KSR2: variants seen among roughly 807,000 people sequenced by gnomAD.
KSR2 encodes the protein kinase suppressor of ras 2.
In KSR2, 25 loss-of-function variants were observed where a neutral mutation model predicts 107.8. The ratio of observed to expected loss-of-function variants is 0.23; its 90% CI spans 0.17 to 0.32. KSR2 has a LOEUF of 0.32. KSR2 is among the 10% of genes least tolerant of loss of function. KSR2 has a pLI of 1.00. For missense variants in KSR2, 887 were observed against 1,268.9 expected (o/e 0.70, Z 4.57); for synonymous variants, 480 against 507.0 (o/e 0.95, Z 0.71).
intron 10 of KSR2, among the ~76,000 whole-genome samples, chr12:117,533,544 A>G (rs1565887824): frequency 6.6e-6 from 1 of 152,260 alleles, no homozygotes. Flanking sequence ...AAGCTTTAAA[A>G]GAAAATCACC....
chr12:117,942,370 T>C (rs1352295115), intron 1 of KSR2, among the ~76,000 whole-genome samples: 1 of 152,124 alleles, frequency 6.6e-6, no homozygotes, highest in Non-Finnish European at 1.5e-5. Flanking sequence ...ACCAACCCAC[T>C]TCACCTCTCC....
intron 10 of KSR2, among the ~76,000 whole-genome samples, chr12:117,538,515 A>G (rs1003064511): frequency 6.6e-6 from 1 of 151,994 alleles, no homozygotes; most frequent in Non-Finnish European, 1.5e-5. Context: ...TTAAGCTTAG[A>G]GGTGTGAACT....
intron 1 of KSR2, among the ~76,000 whole-genome samples, chr12:117,957,032 A>T (rs1389265876): frequency 6.6e-6 from 1 of 152,248 alleles, no homozygotes; most frequent in Non-Finnish European, 1.5e-5. Context: ...AAAGCATTTT[A>T]GAGACAGATT....
chr12:117,692,886 GA>G (rs1489187317), intron 4 of KSR2, among the ~76,000 whole-genome samples: 1 of 152,160 alleles, frequency 6.6e-6, no homozygotes, highest in Non-Finnish European at 1.5e-5. Flanking sequence ...TTGCCATGGG[GA>G]TAGGGGGAAG....
intron 1 of KSR2, among the ~76,000 whole-genome samples, chr12:117,953,896 C>T (rs1233477142): frequency 5.3e-5 from 8 of 152,028 alleles, no homozygotes; most frequent in Non-Finnish European, 7.4e-5. Flanking sequence ...TTGAGACTGG[C>T]CTGGGCAAGA....
chr12:117,841,686 C>A (rs567185845), intron 3 of KSR2, among the ~76,000 whole-genome samples: 1 of 152,292 alleles, frequency 6.6e-6, no homozygotes, highest in Admixed American at 6.5e-5. Context: ...TCATTCCCAC[C>A]ACTTTTTTAT....
At chr12:117,482,469 G>A (rs1396164697) in intron 16 of KSR2, among the ~76,000 whole-genome samples, 1 of 152,172 alleles carries the variant, frequency 6.6e-6, no homozygotes, top group East Asian at 1.9e-4. Context: ...GGCTACTTGT[G>A]GGTGGCCAGG....
chr12:117,576,652 A>G (rs1014807302), intron 7 of KSR2, among the ~76,000 whole-genome samples: 4 of 143,744 alleles, frequency 2.8e-5, no homozygotes, highest in African/African-American at 1.0e-4. Context: ...ATGTGCCATC[A>G]CTCCTGGCTA....
At chr12:117,468,801 C>T (rs574513787) in intron 19 of KSR2, among the ~76,000 whole-genome samples, 4 of 152,030 alleles carry the variant, frequency 2.6e-5, no homozygotes, top group African/African-American at 9.7e-5. Flanking sequence ...TAGGGATGTG[C>T]GTTCATGGAA....
Position 117,927,719 on chromosome 12 carries a change from G to A in KSR2, c.180+40357C>T, listed in dbSNP as rs1348444762. On this transcript the variant is annotated intron_variant, in intron 1 of 19. Transcript: ENST00000339824. ...AAAAAAGGAAAAAAAAAGGAACCAG[G>A]CCTTTCCTAGGCACCCACTAAAAGC... 4.6e-5 allele frequency among the ~76,000 whole-genome samples: 7 copies of A among 152,120 alleles called. No homozygotes were observed. In the East Asian group the frequency reaches 9.7e-4, roughly 21 times the overall value.
At chr12:117,791,211 T>C (rs1890236878) in intron 3 of KSR2, among the ~76,000 whole-genome samples, 1 of 151,850 alleles carries the variant, frequency 6.6e-6, no homozygotes, top group Non-Finnish European at 1.5e-5. Flanking sequence ...ACTTGTTGCT[T>C]CCTATCTGCA....
intron 4 of KSR2, among the ~76,000 whole-genome samples, chr12:117,734,298 AAAGAG>A (rs1323804040): frequency 5.0e-5 from 7 of 140,906 alleles, no homozygotes; most frequent in Non-Finnish European, 7.7e-5. Context: ...AAAAAAAAAA[AAAGAG>A]AGAAACTACA....
At chr12:117,920,288 G>T (rs1395525429) in intron 1 of KSR2, among the ~76,000 whole-genome samples, 1 of 151,926 alleles carries the variant, frequency 6.6e-6, no homozygotes, top group African/African-American at 2.4e-5. Context: ...TTGTAGAGAT[G>T]AGTGTCTCAC....
rs993238402 is a variant in KSR2 at position 117,456,744 on chromosome 12, C to G, written c.*10455G>C. On this transcript the variant is annotated 3_prime_UTR_variant, in exon 20 of 20. Coordinates refer to ENST00000339824, the MANE Select transcript of KSR2 (RefSeq NM_173598.6). ...CAGGGATTTGATTCTAGGGGTAAAA[C>G]AGCTGGACCTACAGAGGCCATCCTC... 1.3e-5 allele frequency: 2 copies of G among 152,252 alleles called. No individual in the cohort carries two copies. Among genetic ancestry groups the G allele is most frequent in the Non-Finnish European group, 2.9e-5 (2 of 68,088 alleles). 9.4% of individuals were successfully genotyped at this position (152,252 alleles called of 1,614,324 possible).
intron 9 of KSR2, among the ~76,000 whole-genome samples, chr12:117,544,015 C>A (rs953825394): frequency 6.6e-6 from 1 of 152,180 alleles, no homozygotes; most frequent in South Asian, 2.1e-4. Flanking sequence ...TAAGGGACCA[C>A]CCTTCCAGTA....
Position 117,832,641 on chromosome 12 carries a change from T to C in KSR2, c.472+22787A>G, listed in dbSNP as rs191903022. ...GTCACAGAGCAAGCTGGAGGCAGGA[T>C]GGCATCAGCATTCCAATCTGCCCTT... is the stretch of plus-strand genomic sequence containing the variant. On this transcript the variant is annotated intron_variant, in intron 3 of 19. Transcript: ENST00000339824. Among the ~76,000 whole-genome samples the C allele has an allele frequency of 4.6e-5, 7 of 152,342 alleles. 1 individual carries two copies. The highest frequency in any genetic ancestry group is 1.4e-4 in the African/African-American group (6 of 41,580).
chr12:117,873,461 C>CTTT (rs546188012), intron 1 of KSR2, among the ~76,000 whole-genome samples: 18,926 of 119,190 alleles, frequency 0.16, 3,028 homozygotes, highest in East Asian at 0.41. Context: ...GTTCATGGTG[C>CTTT]TTTTTTTTTT....
At chr12:117,836,409 G>A (rs1288504773) in intron 3 of KSR2, among the ~76,000 whole-genome samples, 1 of 152,154 alleles carries the variant, frequency 6.6e-6, no homozygotes, top group Non-Finnish European at 1.5e-5. Flanking sequence ...TTCTCTTTGG[G>A]TTGTATGATT....
chr12:117,603,274 A>C (rs1341247785), intron 5 of KSR2, among the ~76,000 whole-genome samples: 1 of 152,236 alleles, frequency 6.6e-6, no homozygotes, highest in Non-Finnish European at 1.5e-5. Flanking sequence ...ACTTCCTTAC[A>C]CAACAAAAGT....
Sources: gnomAD v4.1 joint callset for allele counts (sites outside exome capture counted in the v4.1 genomes callset) on GRCh38, gnomAD v4.1.1 for gene constraint, MANE v1.5 for transcripts, NCBI Gene and HGNC (gene_info 2026-07-23, HGNC 2026-07-21) for gene names.